TSPAN9: variants seen among roughly 807,000 people sequenced by gnomAD.
TSPAN9 encodes the protein tetraspanin-9.
A neutral mutation model predicts 31.0 loss-of-function variants in TSPAN9; 16 were observed. The ratio of observed to expected loss-of-function variants is 0.52; its 90% CI spans 0.35 to 0.78. The LOEUF is 0.78. Among genes scored for constraint, TSPAN9 ranks in the 30% least tolerant of loss-of-function variants. The pLI is 0.01. For missense variants in TSPAN9, 272 were observed against 312.5 expected, an observed-to-expected ratio of 0.87 and a Z score of 0.98; for synonymous variants, 145 against 121.6, an observed-to-expected ratio of 1.19 and a Z score of -1.27.
At chr12:3,278,326 T>C in intron 3 of TSPAN9, 95 bp from the exon 4 acceptor site, 4 of 1,509,462 alleles carry the variant, frequency 2.6e-6, no homozygotes, top group Non-Finnish European at 3.6e-6. Context: ...ACTTTGTCTG[T>C]GTCTCAGAGC....
chr12:3,097,735 C>T (rs1388223562), intron 2 of TSPAN9, among the ~76,000 whole-genome samples: 2 of 152,224 alleles, frequency 1.3e-5, no homozygotes, highest in Non-Finnish European at 1.5e-5. Context: ...TGCCTGGTAA[C>T]AGCCATTGGC....
intron 3 of TSPAN9, among the ~76,000 whole-genome samples, chr12:3,209,128 A>T (rs561186938): frequency 4.8e-4 from 73 of 151,970 alleles, no homozygotes; most frequent in African/African-American, 1.5e-3. Context: ...CCAGCTAGTC[A>T]GGAGGCTGAG....
chr12:3,281,635 G>T, intron 7 of TSPAN9, 99 bp from the exon 8 acceptor site: 1 of 1,374,814 alleles, frequency 7.3e-7, no homozygotes, highest in South Asian at 1.4e-5. Context: ...TGGGAGGTAA[G>T]AGCGAGGACG....
At chr12:3,188,406 G>A (rs1302482128) in intron 2 of TSPAN9, among the ~76,000 whole-genome samples, 2 of 152,204 alleles carry the variant, frequency 1.3e-5, no homozygotes, top group Non-Finnish European at 2.9e-5. Context: ...GCGGCAGGGG[G>A]AATATGCATT....
intron 2 of TSPAN9, among the ~76,000 whole-genome samples, chr12:3,139,302 A>G (rs2098333623): frequency 6.6e-6 from 1 of 152,164 alleles, no homozygotes; most frequent in East Asian, 1.9e-4. Context: ...GGTTTTCAGC[A>G]GGTGGCTGAG....
chr12:3,118,635 TTCCTC>T lies in TSPAN9; in HGVS notation c.-18+34919_-18+34923del, dbSNP rs2098323708. On this transcript the variant is annotated intron_variant, in intron 2 of 8. Transcript: ENST00000011898. ...ATTTATTGACAAACATGGGGAAACA[TTCCTC>T]TCAGCTCAGCCCCACTGCACCTGCA... Among the ~76,000 whole-genome samples, 7 of 152,070 alleles carry T rather than the reference TTCCTC, an allele frequency of 4.6e-5. No homozygotes were observed. In the South Asian group the frequency reaches 1.5e-3, roughly 32 times the overall value.
At chr12:3,105,788 A>ACACTCACGCACACGCTCATACC (rs2098314192) in intron 2 of TSPAN9, among the ~76,000 whole-genome samples, 1 of 109,156 alleles carries the variant, frequency 9.2e-6, no homozygotes, top group Admixed American at 9.9e-5. Context: ...ACGCTCATAC[A>ACACTCACGCACACGCTCATACC]CACTCACGCA....
At chr12:3,184,501 A>G (rs1414453298) in intron 2 of TSPAN9, among the ~76,000 whole-genome samples, 1 of 152,154 alleles carries the variant, frequency 6.6e-6, no homozygotes, top group Non-Finnish European at 1.5e-5. Flanking sequence ...CTTCCCCCAA[A>G]TCCAGGTAGT....
chr12:3,099,302 C>T (rs2098310703), intron 2 of TSPAN9, among the ~76,000 whole-genome samples: 1 of 152,134 alleles, frequency 6.6e-6, no homozygotes, highest in African/African-American at 2.4e-5. Flanking sequence ...TGGGTAATCT[C>T]ATGTTCAATA....
chr12:3,078,226 CG>C (rs1273167878), intron 1 of TSPAN9, among the ~76,000 whole-genome samples: 1 of 152,014 alleles, frequency 6.6e-6, no homozygotes, highest in African/African-American at 2.4e-5. Flanking sequence ...ATCACCAAAA[CG>C]GGGGGTAAGA....
At chr12:3,118,247 GCACC>G (rs2098323339) in intron 2 of TSPAN9, among the ~76,000 whole-genome samples, 1 of 62,142 alleles carries the variant, frequency 1.6e-5, no homozygotes, top group African/African-American at 4.5e-5. Flanking sequence ...CACCGCCCCT[GCACC>G]CGCCGTTTTT....
At chr12:3,227,835 T>C (rs1014658612) in intron 3 of TSPAN9, among the ~76,000 whole-genome samples, 3 of 152,182 alleles carry the variant, frequency 2.0e-5, no homozygotes, top group African/African-American at 7.2e-5. Context: ...CTGGTCCTGC[T>C]CGGGTAGGCT....
chr12:3,097,485 C>G (rs532144291), intron 2 of TSPAN9, among the ~76,000 whole-genome samples: 1 of 152,246 alleles, frequency 6.6e-6, no homozygotes, highest in African/African-American at 2.4e-5. Flanking sequence ...CATTCTTTAC[C>G]TCTGGGAGGA....
At chr12:3,152,003 G>A (rs1565594247) in intron 2 of TSPAN9, among the ~76,000 whole-genome samples, 2 of 152,196 alleles carry the variant, frequency 1.3e-5, no homozygotes, top group Non-Finnish European at 2.9e-5. Flanking sequence ...TAAATTTCCT[G>A]CAAATGGGAT....
In TSPAN9 at chr12:3,235,092, C is replaced by T. The variant is rs1051674745; in HGVS notation, c.63+33836C>T. 1.6e-4 allele frequency among the ~76,000 whole-genome samples: 22 copies of T among 140,722 alleles called. 1 individual carries two copies. The highest frequency in any genetic ancestry group is 4.4e-4 in the Admixed American group (6 of 13,704). 92.3% of individuals were successfully genotyped at this position (140,722 alleles called of 152,430 possible). ...TGAGGCGGGAGAATGACGTGAGCCC[C>T]GGAGATGGAGCTTGCAGTGAGCGGA... On this transcript the variant is annotated intron_variant, in intron 3 of 8. Transcript: ENST00000011898.
At position 3,143,556 on chromosome 12, in the gene TSPAN9, T is replaced by G. The variant is rs2098335842; in HGVS notation, c.-17-57621T>G. 6.6e-6 allele frequency among the ~76,000 whole-genome samples: 1 copy of G among 152,170 alleles called. No homozygotes were observed. Among genetic ancestry groups the G allele is most frequent in the Non-Finnish European group, 1.5e-5 (1 of 68,040 alleles). On this transcript the variant is annotated intron_variant, in intron 2 of 8. Transcript: ENST00000011898. This position sits in a 1 kb window ranked among gnomAD's most constrained non-coding sequence, Gnocchi z 4.2. ...ATTAGTTATTTTTATCATTACAGACTCATGGATATTTATTTACTTCACAGA... is the reference window on the plus strand; with the variant it reads ...ATTAGTTATTTTTATCATTACAGACGCATGGATATTTATTTACTTCACAGA...
In TSPAN9 at chr12:3,256,403, G is replaced by A. The variant is rs138636687; in HGVS notation, c.64-22018G>A. On this transcript the variant is annotated intron_variant, in intron 3 of 8. Transcript: ENST00000011898. ...GTCCGGCAGTCGCAGCCAGCATGAC[G>A]GAGGCCCTGAGGCCAAGGCCACAGG... Among the ~76,000 whole-genome samples, 144 of 152,324 alleles carry A rather than the reference G, an allele frequency of 9.5e-4. 2 individuals carry two copies. Among genetic ancestry groups the A allele is most frequent in the Admixed American group, 5.9e-3 (90 of 15,306 alleles).
chr12:3,265,356 C>G (rs1349844366), intron 3 of TSPAN9, among the ~76,000 whole-genome samples: 1 of 152,194 alleles, frequency 6.6e-6, no homozygotes, highest in East Asian at 1.9e-4. Context: ...AAAATGGGCT[C>G]CACTCAAGAT....
intron 3 of TSPAN9, among the ~76,000 whole-genome samples, chr12:3,271,469 T>C (rs1162906040): frequency 1.3e-5 from 2 of 151,762 alleles, no homozygotes; most frequent in African/African-American, 2.4e-5. Context: ...AAAACTAGGA[T>C]TGATGCATGT....
Sources: allele counts gnomAD v4.1 joint callset (sites outside exome capture counted in the v4.1 genomes callset), GRCh38; gene constraint gnomAD v4.1.1; non-coding constraint Gnocchi (gnomAD v3.1); transcripts MANE v1.5; gene names NCBI Gene and HGNC (gene_info 2026-07-23, HGNC 2026-07-21).